Variants in C12orf57 observed in about 807,000 individuals in gnomAD.
The protein encoded by C12orf57 is chromosome 12 open reading frame 57.
C12orf57 carries 14 observed loss-of-function variants against 11.3 expected under a neutral mutation model. The ratio of observed to expected loss-of-function variants is 1.24; its 90% CI spans 0.82 to 1.94. The LOEUF (loss-of-function observed/expected upper bound fraction) is 1.94, where lower values mean the gene tolerates loss of function less well. Ranked by LOEUF, C12orf57 falls within the 30% of genes most tolerant of loss-of-function variation. The probability of loss-of-function intolerance (pLI) is 0.00; values close to 1 mark genes in which losing one functional copy is unlikely to be tolerated. For synonymous variants in C12orf57, 100 were observed against 74.6 expected (o/e 1.34, Z -1.76); for missense variants, 229 against 172.4 (o/e 1.33, Z -1.84).
intron 1 of C12orf57, 65 bp downstream of exon 1, chr12:6,944,238 T>G: frequency 1.2e-6 from 2 of 1,612,860 alleles, no homozygotes; most frequent in Middle Eastern, 1.7e-4. Context: ...GGGCTGCTGG[T>G]CTGGGGAGGA....
Position 6,944,157 on chromosome 12 carries a change from C to CGCTGA in C12orf57, c.39_43dup (p.Gln15LeufsTer11). 2 of 1,614,226 alleles carry CGCTGA rather than the reference C, an allele frequency of 1.2e-6. No individual in the cohort carries two copies. Among genetic ancestry groups the CGCTGA allele is most frequent in the Non-Finnish European group, 1.7e-6 (2 of 1,180,036 alleles). ...CCTCGACCCAACCGGCGGCCTTGAGCGCTGAGCAAGCAAAGGGTGAGAATC... is the reference window on the plus strand; with the variant it reads ...CCTCGACCCAACCGGCGGCCTTGAGCGCTGAGCTGAGCAAGCAAAGGGTGAGAATC... On this transcript the variant is annotated frameshift_variant, in exon 1 of 3. Transcript: ENST00000229281. LOFTEE classifies it high-confidence loss of function.
chr12:6,943,489 T>A (rs782749231), upstream of C12orf57: 4 of 1,272,934 alleles, frequency 3.1e-6, no homozygotes, highest in Non-Finnish European at 4.1e-6. Context: ...AGACAAGGCC[T>A]TTAGGAAACT....
upstream of C12orf57, chr12:6,943,923 A>G (rs79145172): frequency 4.6e-5 from 60 of 1,316,254 alleles, no homozygotes; most frequent in East Asian, 2.5e-4. Context: ...CACTGTGCAA[A>G]AATTATGGGT....
intron 1 of C12orf57, 58 bp downstream of exon 1, chr12:6,944,231 C>G (rs1157743688): frequency 6.2e-7 from 1 of 1,611,484 alleles, no homozygotes; most frequent in Non-Finnish European, 8.5e-7. Flanking sequence ...AAGGCATGGG[C>G]TGCTGGTCTG....
rs782504921 is a variant in C12orf57 at position 6,945,752 on chromosome 12, C to T, written c.230-19C>T. The T allele has an allele frequency of 6.2e-6, 10 of 1,612,526 alleles. No homozygotes were observed. The Admixed American group carries it at 6.7e-5, about 11-fold the overall frequency. On this transcript the variant is annotated intron_variant, in intron 2 of 2. Transcript: ENST00000229281. ...GCTGGTCCTTAGGAGAAGGGTTGAC[C>T]TTCCACTCCCTCTTGCAGGTGTCCT... is the stretch of plus-strand genomic sequence containing the variant.
chr12:6,944,309 G>A lies in C12orf57; in HGVS notation c.52+136G>A, dbSNP rs1310583409. The A allele has an allele frequency of 3.2e-6, 5 of 1,583,402 alleles. No individual in the cohort carries two copies. The Admixed American group carries it at 7.1e-5, about 23-fold the overall frequency. Reference sequence around the variant, plus strand: ...CGTCCGCCGGGAAAATGGGGTAGGGGACGCCGGGTACCGTCCTTCTAAGTG... The same window carrying A: ...CGTCCGCCGGGAAAATGGGGTAGGGAACGCCGGGTACCGTCCTTCTAAGTG... On this transcript the variant is annotated intron_variant, in intron 1 of 2. Coordinates refer to ENST00000229281, the MANE Select transcript of C12orf57 (RefSeq NM_138425.4).
upstream of C12orf57, chr12:6,943,768 A>G (rs1041448953): frequency 6.2e-5 from 66 of 1,057,568 alleles, no homozygotes; most frequent in Admixed American, 3.4e-4. Context: ...ACCCTCATCA[A>G]TTGTGGAGTT....
At position 6,944,495 on chromosome 12, in the gene C12orf57, C is replaced by T. The variant is rs782308920; in HGVS notation, c.72C>T (p.Ile24=). ...EQAKVVLAEV[I]QAFSAPENAV... is the part of the protein sequence containing the mutation. ...GCGCAGTGGTCCTCGCGGAGGTGAT[C>T]CAGGCGTTCTCCGCCCCGGAGAATG... Residue 24 remains isoleucine, a synonymous_variant, in exon 2 of 3, where the codon ATC becomes ATT. Coordinates refer to ENST00000229281, the MANE Select transcript of C12orf57 (RefSeq NM_138425.4). 1.2e-6 allele frequency: 2 copies of T among 1,612,632 alleles called. No individual in the cohort carries two copies. The highest frequency in any genetic ancestry group is 2.2e-5 in the South Asian group (2 of 90,976).
intron 2 of C12orf57, 193 bp downstream of exon 2, chr12:6,944,845 A>G (rs1945759556): frequency 4.9e-6 from 7 of 1,441,372 alleles, no homozygotes; most frequent in Non-Finnish European, 6.4e-6. Flanking sequence ...TGCGTTTTGT[A>G]CAGTAGAGGT....
chr12:6,944,813 C>T, intron 2 of C12orf57, 161 bp downstream of exon 2: 1 of 1,464,272 alleles, frequency 6.8e-7, no homozygotes, highest in East Asian at 2.5e-5. Flanking sequence ...CCAGGGTCTA[C>T]CCTGAGCTTG....
chr12:6,943,555 A>G, upstream of C12orf57: 2 of 1,288,442 alleles, frequency 1.6e-6, no homozygotes, highest in Non-Finnish European at 2.0e-6. Context: ...TCCGGGCTTA[A>G]CAACAACGAA....
At chr12:6,943,930 G>A (rs976266552), upstream of C12orf57, 55 of 1,330,572 alleles carry the variant, frequency 4.1e-5, 1 homozygote, top group Admixed American at 1.3e-4. Context: ...CAAAAATTAT[G>A]GGTAGTTTTG....
chr12:6,944,143 C>A lies in C12orf57; in HGVS notation c.22C>A (p.Pro8Thr), dbSNP rs1565574108. ...CCCTATGGCGTCCGCCTCGACCCAACCGGCGGCCTTGAGCGCTGAGCAAGC... is the reference window on the plus strand; with the variant it reads ...CCCTATGGCGTCCGCCTCGACCCAAACGGCGGCCTTGAGCGCTGAGCAAGC... MASASTQ[P>T]AALSAEQAKV... Residue 8 changes from proline (P) to threonine (T), a missense_variant, in exon 1 of 3, where the codon CCG (proline) becomes ACG (threonine). Coordinates refer to ENST00000229281, the MANE Select transcript of C12orf57 (RefSeq NM_138425.4). 1.2e-6 allele frequency: 2 copies of A among 1,614,234 alleles called. No homozygotes were observed. The highest frequency in any genetic ancestry group is 1.7e-6 in the Non-Finnish European group (2 of 1,180,040).
chr12:6,943,924 A>C (rs782090372), upstream of C12orf57: 5 of 1,319,456 alleles, frequency 3.8e-6, no homozygotes, highest in African/African-American at 1.5e-5. Flanking sequence ...ACTGTGCAAA[A>C]ATTATGGGTA....
In C12orf57 at chr12:6,944,028, C is replaced by G. The variant is rs185327609; in HGVS notation, c.-94C>G. On this transcript the variant is annotated 5_prime_UTR_variant, in exon 1 of 3. Transcript: ENST00000229281. ...GCTGCGCCGGATGCTGTTTCCTTTC[C>G]GCTCCCAGGGGCGTTGGGAACGGTT... The G allele has an allele frequency of 7.5e-6, 12 of 1,608,070 alleles. No individual in the cohort carries two copies. Among genetic ancestry groups the G allele is most frequent in the Middle Eastern group, 1.6e-4 (1 of 6,072 alleles).
Position 6,944,557 on chromosome 12 carries a change from A to G in C12orf57, c.134A>G (p.Asn45Ser). The change falls in exon 2 of 3, where the codon AAC becomes AGC. Residue 45 changes from asparagine (N) to serine (S), a missense_variant. By Grantham distance (46) the Asn-to-Ser change is conservative (BLOSUM62 1). Coordinates refer to ENST00000229281, the MANE Select transcript of C12orf57 (RefSeq NM_138425.4). ...GACGAGGCTCGGGATAACGCCTGCAACGACATGGGTAAGATGCTGCAATTC... is the reference window on the plus strand; with the variant it reads ...GACGAGGCTCGGGATAACGCCTGCAGCGACATGGGTAAGATGCTGCAATTC... ...RMDEARDNAC[N>S]DMGKMLQFVL... 1 of 1,613,628 alleles carries G rather than the reference A, an allele frequency of 6.2e-7. No individual in the cohort carries two copies. Among genetic ancestry groups the G allele is most frequent in the Non-Finnish European group, 8.5e-7 (1 of 1,179,568 alleles).
In C12orf57 at chr12:6,944,177, A is replaced by G. The variant is rs782243395; in HGVS notation, c.52+4A>G. On this transcript the variant is annotated splice_donor_region_variant and intron_variant, in intron 1 of 2. Coordinates refer to ENST00000229281, the MANE Select transcript of C12orf57 (RefSeq NM_138425.4). ...TTGAGCGCTGAGCAAGCAAAGGGTG[A>G]GAATCGTCCTAGTCAAGGCATAGGC... 2.5e-6 allele frequency: 4 copies of G among 1,614,158 alleles called. No homozygotes were observed. The highest frequency in any genetic ancestry group is 2.2e-5 in the East Asian group (1 of 44,890).
At chr12:6,943,967 G>C (rs782176137), upstream of C12orf57, 19 of 1,549,076 alleles carry the variant, frequency 1.2e-5, no homozygotes, top group African/African-American at 1.1e-4. Flanking sequence ...TGTAAGCTTG[G>C]GGTATGAAGG....
intron 1 of C12orf57, 65 bp from the exon 2 acceptor site, chr12:6,944,411 T>C: frequency 6.3e-7 from 1 of 1,575,896 alleles, no homozygotes; most frequent in Non-Finnish European, 8.6e-7. Context: ...CGCTCTCCGC[T>C]GGGCCCGCTG....
Sources: allele counts gnomAD v4.1 joint callset, GRCh38; gene constraint gnomAD v4.1.1; transcripts MANE v1.5; gene names NCBI Gene and HGNC (gene_info 2026-07-23, HGNC 2026-07-21).